The following TBX15 variants were observed in gnomAD, a reference collection of about 807,000 sequenced individuals.
The protein encoded by TBX15 is T-box transcription factor TBX15.
In TBX15, 18 loss-of-function variants were observed where a neutral mutation model predicts 53.9. The ratio of observed to expected loss-of-function variants is 0.33; its 90% CI spans 0.23 to 0.49. The LOEUF is 0.49. TBX15 is among the 20% of genes least tolerant of loss of function. The probability of loss-of-function intolerance (pLI) is 0.98; values close to 1 mark genes in which losing one functional copy is unlikely to be tolerated. For missense variants in TBX15, 692 were observed against 749.5 expected, an observed-to-expected ratio of 0.92 and a Z score of 0.90; for synonymous variants, 295 against 278.0, an observed-to-expected ratio of 1.06 and a Z score of -0.61.
intron 1 of TBX15, among the ~76,000 whole-genome samples, chr1:118,984,522 A>G (rs1044753093): frequency 1.1e-4 from 17 of 150,270 alleles, no homozygotes; most frequent in Non-Finnish European, 2.2e-4. Flanking sequence ...GCAGCAATAT[A>G]CTTGCAAGGC....
At chr1:118,974,235 G>T (rs1657344813) in intron 1 of TBX15, among the ~76,000 whole-genome samples, 1 of 152,210 alleles carries the variant, frequency 6.6e-6, no homozygotes, top group Non-Finnish European at 1.5e-5. Flanking sequence ...TTCTATTGCT[G>T]CAAGAGCGTA....
intron 1 of TBX15, among the ~76,000 whole-genome samples, chr1:118,984,855 T>A (rs1380866151): frequency 6.6e-6 from 1 of 152,158 alleles, no homozygotes; most frequent in Non-Finnish European, 1.5e-5. Context: ...TGATCCCCCG[T>A]TGCTGCAGGT....
At chr1:118,921,967 G>A (rs555315453) in intron 5 of TBX15, among the ~76,000 whole-genome samples, 3 of 152,320 alleles carry the variant, frequency 2.0e-5, no homozygotes, top group South Asian at 4.1e-4. Flanking sequence ...GAACAAGTCC[G>A]AAAAGTATAG....
chr1:118,962,180 C>T (rs1656898311), intron 1 of TBX15, among the ~76,000 whole-genome samples: 1 of 152,324 alleles, frequency 6.6e-6, no homozygotes, highest in East Asian at 1.9e-4. Context: ...CTAAGGAAAA[C>T]TGTGTAAGGG....
Position 118,988,044 on chromosome 1 carries a change from G to T in TBX15, c.-249C>A. 1.8e-6 allele frequency: 1 copy of T among 569,576 alleles called. No homozygotes were observed. The highest frequency in any genetic ancestry group is 2.1e-5 in the South Asian group (1 of 46,750). 35.3% of individuals were successfully genotyped at this position (569,576 alleles called of 1,614,324 possible). ...CTAGCGCCCCGAGCGCCGCCCGCTC[G>T]CTGCATGAGCGCCCGAGTCCTGCTT... On this transcript the variant is annotated 5_prime_UTR_variant, in exon 1 of 8. Transcript: ENST00000369429.
rs561588636 is a variant in TBX15 at position 118,933,636 on chromosome 1, T to G, written c.206-1804A>C. ...TGACAAATCTATATCCTAGCCTGATTCTATAGGCCTTTCAGTAGCAGAGCC... is the reference window on the plus strand; with the variant it reads ...TGACAAATCTATATCCTAGCCTGATGCTATAGGCCTTTCAGTAGCAGAGCC... On this transcript the variant is annotated intron_variant, in intron 1 of 7. Transcript: ENST00000369429. 2.0e-5 allele frequency among the ~76,000 whole-genome samples: 3 copies of G among 152,250 alleles called. No homozygotes were observed. The South Asian group carries it at 6.2e-4, about 32-fold the overall frequency.
At chr1:118,912,847 G>A (rs957233078) in intron 6 of TBX15, among the ~76,000 whole-genome samples, 2 of 152,122 alleles carry the variant, frequency 1.3e-5, no homozygotes, top group Admixed American at 6.6e-5. Context: ...GTTCTACTAC[G>A]CTCTACCACT....
At chr1:118,944,406 C>T (rs1656280402) in intron 1 of TBX15, among the ~76,000 whole-genome samples, 1 of 152,308 alleles carries the variant, frequency 6.6e-6, no homozygotes, top group African/African-American at 2.4e-5. Context: ...TCATCCTCAC[C>T]ATGTCACTTA....
intron 2 of TBX15, among the ~76,000 whole-genome samples, chr1:118,930,608 G>A (rs1655747168): frequency 6.6e-6 from 1 of 152,180 alleles, no homozygotes; most frequent in South Asian, 2.1e-4. Flanking sequence ...AAGAGACAGG[G>A]TTTTGCCATG....
intron 6 of TBX15, among the ~76,000 whole-genome samples, chr1:118,912,203 T>C (rs1571167541): frequency 6.6e-6 from 1 of 152,062 alleles, no homozygotes; most frequent in Non-Finnish European, 1.5e-5. Context: ...CTAAATGCTA[T>C]TGGAGATACA....
rs1656090809 is a variant in TBX15, at chr1:118,939,442, A to AAAAAC, written c.206-7611_206-7610insGTTTT. Among the ~76,000 whole-genome samples the AAAAAC allele has an allele frequency of 2.1e-5, 3 of 140,854 alleles. 1 individual carries two copies. Among genetic ancestry groups the AAAAAC allele is most frequent in the African/African-American group, 5.3e-5 (2 of 37,464 alleles). 92.4% of individuals were successfully genotyped at this position (140,854 alleles called of 152,430 possible). A position where few individuals can be genotyped will look rare whatever the true frequency, so the allele number is the denominator to read the frequency against. On this transcript the variant is annotated intron_variant, in intron 1 of 7. Coordinates refer to ENST00000369429, the MANE Select transcript of TBX15 (RefSeq NM_001330677.2). ...AAAAAAAAAAAAAAAAAAAACAAAAACAGGAACAGAAAACCAAATATCTCA... is the reference window on the plus strand; with the variant it reads ...AAAAAAAAAAAAAAAAAAAACAAAAAAAAACCAGGAACAGAAAACCAAATATCTCA...
intron 1 of TBX15, among the ~76,000 whole-genome samples, chr1:118,964,189 T>C (rs903346297): frequency 6.6e-6 from 1 of 152,224 alleles, no homozygotes; most frequent in African/African-American, 2.4e-5. Context: ...AACTTGTATA[T>C]ATTAAGCCAC....
At chr1:118,919,836 A>G (rs1655363992) in intron 5 of TBX15, among the ~76,000 whole-genome samples, 1 of 152,202 alleles carries the variant, frequency 6.6e-6, no homozygotes. Context: ...GACAGTTAAC[A>G]TCTATCTACT....
At position 118,884,552 on chromosome 1, in the gene TBX15, A is replaced by G; in HGVS notation, c.*180T>C. 2.7e-6 allele frequency: 2 copies of G among 727,620 alleles called. No homozygotes were observed. The highest frequency in any genetic ancestry group is 4.4e-6 in the Non-Finnish European group (2 of 455,818). The allele number at this position is 727,620 out of a possible 1,614,324, so 45.1% of individuals were successfully genotyped here. On this transcript the variant is annotated 3_prime_UTR_variant, in exon 8 of 8. Transcript: ENST00000369429. ...AGTTGCGGATGATTCTATCGCAAGT[A>G]TCCTTCACTGGCTTAAAGGTATCTC...
intron 7 of TBX15, among the ~76,000 whole-genome samples, chr1:118,893,361 GAAAGAAAGAAA>G (rs1557872563): frequency 0.027 from 1,454 of 54,680 alleles, 45 homozygotes; most frequent in Admixed American, 0.06. Flanking sequence ...AGGAAGGAAA[GAAAGAAAGAAA>G]GAAAGAAAGA....
chr1:118,987,777 ATCT>A lies in TBX15; in HGVS notation c.16_18del (p.Arg6del), dbSNP rs753233179. 9.7e-6 allele frequency: 15 copies of A among 1,549,834 alleles called. No homozygotes were observed. The highest frequency in any genetic ancestry group is 2.4e-5 in the East Asian group (1 of 40,898). On this transcript the variant is annotated inframe_deletion, in exon 1 of 8. Transcript: ENST00000369429. ...GCTCGCGAGCTCAGGGCGACTGCAG[ATCT>A]TCTCCTTTCACTCATTTTAGCCGCC...
chr1:118,887,417 G>C (rs1182804041), intron 7 of TBX15, among the ~76,000 whole-genome samples: 1 of 152,218 alleles, frequency 6.6e-6, no homozygotes, highest in African/African-American at 2.4e-5. Flanking sequence ...GCTCATGCCT[G>C]TAATCCTAGC....
intron 1 of TBX15, among the ~76,000 whole-genome samples, chr1:118,960,106 A>T (rs1656818041): frequency 6.6e-6 from 1 of 151,462 alleles, no homozygotes; most frequent in South Asian, 2.1e-4. Context: ...AAGTCAGAGC[A>T]AGGGAGAAGA....
At chr1:118,975,048 T>C (rs1571217172) in intron 1 of TBX15, among the ~76,000 whole-genome samples, 1 of 152,194 alleles carries the variant, frequency 6.6e-6, no homozygotes, top group South Asian at 2.1e-4. Flanking sequence ...TCCATCCCAT[T>C]GTGAATGGAG....
Sources: allele counts gnomAD v4.1 joint callset (sites outside exome capture counted in the v4.1 genomes callset), GRCh38; gene constraint gnomAD v4.1.1; transcripts MANE v1.5; gene names NCBI Gene and HGNC (gene_info 2026-07-23, HGNC 2026-07-21).